Variants in ST6GALNAC5 observed in about 807,000 individuals in gnomAD.
ST6GALNAC5 encodes the protein ST6 N-acetylgalactosaminide alpha-2,6-sialyltransferase 5.
ST6GALNAC5 carries 27 observed loss-of-function variants against 33.6 expected under a neutral mutation model. That is an observed-to-expected ratio of 0.80 (90% CI 0.59 to 1.11). The LOEUF is 1.11. Among genes scored for constraint, ST6GALNAC5 ranks in the 50% least tolerant of loss-of-function variants. ST6GALNAC5 has a pLI of 0.00. For synonymous variants in ST6GALNAC5, 194 were observed against 171.2 expected (o/e 1.13, Z -1.04); for missense variants, 428 against 454.0 (o/e 0.94, Z 0.52).
intron 2 of ST6GALNAC5, among the ~76,000 whole-genome samples, chr1:76,931,277 C>T (rs548638748): frequency 6.6e-6 from 1 of 152,166 alleles, no homozygotes; most frequent in East Asian, 1.9e-4. Context: ...GAGACCACAC[C>T]CTGCCAACAC....
intron 3 of ST6GALNAC5, 70 bp downstream of exon 3, chr1:77,044,683 G>A (rs1025458197): frequency 6.7e-7 from 1 of 1,499,996 alleles, no homozygotes; most frequent in Admixed American, 2.3e-5. Context: ...CTCACCCAAA[G>A]CAAAGCTTTT....
intron 2 of ST6GALNAC5, among the ~76,000 whole-genome samples, chr1:76,916,649 A>G (rs1646977939): frequency 6.6e-6 from 1 of 151,934 alleles, no homozygotes; most frequent in African/African-American, 2.4e-5. Context: ...ACTGTTCCAT[A>G]TTTCTCTTTT....
At chr1:77,005,937 C>A (rs532963920) in intron 2 of ST6GALNAC5, among the ~76,000 whole-genome samples, 18 of 152,314 alleles carry the variant, frequency 1.2e-4, no homozygotes, top group Admixed American at 2.6e-4. Context: ...TTTGTTTATC[C>A]ATTCCTCCAT....
chr1:76,999,601 T>A (rs1024416108), intron 2 of ST6GALNAC5, among the ~76,000 whole-genome samples: 1 of 151,408 alleles, frequency 6.6e-6, no homozygotes, highest in Non-Finnish European at 1.5e-5. Context: ...TAACTCATCA[T>A]CTAGCATTAG....
At chr1:76,984,254 T>C (rs890437321) in intron 2 of ST6GALNAC5, among the ~76,000 whole-genome samples, 5 of 152,102 alleles carry the variant, frequency 3.3e-5, no homozygotes, top group African/African-American at 1.2e-4. Flanking sequence ...ACAAAATTGA[T>C]AGACTGCTAG....
chr1:76,965,313 G>T (rs111568048), intron 2 of ST6GALNAC5, among the ~76,000 whole-genome samples: 1 of 152,194 alleles, frequency 6.6e-6, no homozygotes, highest in Admixed American at 6.5e-5. Flanking sequence ...TCTAACTAGC[G>T]TGAGACAGTA....
At chr1:76,994,961 T>C (rs1649869802) in intron 2 of ST6GALNAC5, among the ~76,000 whole-genome samples, 1 of 152,152 alleles carries the variant, frequency 6.6e-6, no homozygotes, top group African/African-American at 2.4e-5. Flanking sequence ...GTTTCTAAGG[T>C]CAGCTTTAAG....
chr1:77,045,662 G>A (rs76267780), intron 3 of ST6GALNAC5, among the ~76,000 whole-genome samples: 14 of 152,320 alleles, frequency 9.2e-5, no homozygotes, highest in African/African-American at 2.6e-4. Context: ...TAAAGTAAAG[G>A]ACCTGGGGAG....
At chr1:76,970,370 T>C (rs528991042) in intron 2 of ST6GALNAC5, among the ~76,000 whole-genome samples, 2 of 152,044 alleles carry the variant, frequency 1.3e-5, no homozygotes, top group Non-Finnish European at 2.9e-5. Flanking sequence ...AATGACCTGA[T>C]GGAGCTGAAA....
chr1:76,874,841 A>C (rs946714427), intron 2 of ST6GALNAC5, among the ~76,000 whole-genome samples: 10 of 152,156 alleles, frequency 6.6e-5, no homozygotes, highest in African/African-American at 2.4e-4. Flanking sequence ...ACCCCTTGTC[A>C]ACTTGAACCC....
intron 2 of ST6GALNAC5, among the ~76,000 whole-genome samples, chr1:76,877,472 G>A (rs1161511416): frequency 6.6e-6 from 1 of 152,136 alleles, no homozygotes; most frequent in Non-Finnish European, 1.5e-5. Flanking sequence ...ATCTAAATAG[G>A]CCCAGTAGGT....
At chr1:76,982,575 T>C (rs1345785849) in intron 2 of ST6GALNAC5, among the ~76,000 whole-genome samples, 2 of 152,220 alleles carry the variant, frequency 1.3e-5, no homozygotes, top group African/African-American at 2.4e-5. Flanking sequence ...TGAAGCCAAG[T>C]TGGAAAACAC....
At chr1:76,922,529 A>G (rs1647043797) in intron 2 of ST6GALNAC5, among the ~76,000 whole-genome samples, 2 of 152,202 alleles carry the variant, frequency 1.3e-5, no homozygotes, top group African/African-American at 4.8e-5. Flanking sequence ...GCATAGGCCC[A>G]AGAATGCCTG....
chr1:76,994,716 A>G (rs570445246), intron 2 of ST6GALNAC5, among the ~76,000 whole-genome samples: 4 of 152,326 alleles, frequency 2.6e-5, no homozygotes, highest in Admixed American at 2.6e-4. Flanking sequence ...CCACAGCAAT[A>G]ATTTTCTGCA....
chr1:76,984,274 T>C lies in ST6GALNAC5; in HGVS notation c.262-59930T>C, dbSNP rs1276628683. 4.6e-5 allele frequency among the ~76,000 whole-genome samples: 7 copies of C among 151,616 alleles called. No individual in the cohort carries two copies. The East Asian group carries it at 1.2e-3, about 25-fold the overall frequency. ...ATTGATAGACTGCTAGCAAGACTAA[T>C]AAAGAAGAAAAAAGAGAAGAAGACT... On this transcript the variant is annotated intron_variant, in intron 2 of 4. Transcript: ENST00000477717.
chr1:76,998,093 T>G (rs1333205874), intron 2 of ST6GALNAC5, among the ~76,000 whole-genome samples: 1 of 152,202 alleles, frequency 6.6e-6, no homozygotes, highest in Non-Finnish European at 1.5e-5. Context: ...TTCACAGCTA[T>G]GCGGAACTAC....
intron 4 of ST6GALNAC5, among the ~76,000 whole-genome samples, chr1:77,053,447 T>C (rs962587492): frequency 6.6e-6 from 1 of 152,154 alleles, no homozygotes; most frequent in Non-Finnish European, 1.5e-5. Flanking sequence ...AGATACTTCA[T>C]AAATATCAAG....
At chr1:76,981,369 T>C (rs540488164) in intron 2 of ST6GALNAC5, among the ~76,000 whole-genome samples, 14 of 152,318 alleles carry the variant, frequency 9.2e-5, no homozygotes, top group African/African-American at 3.1e-4. Context: ...CCCACACCCA[T>C]AGAGCCTTGC....
intron 2 of ST6GALNAC5, among the ~76,000 whole-genome samples, chr1:77,021,197 A>G (rs531965490): frequency 1.5e-4 from 23 of 152,332 alleles, no homozygotes; most frequent in African/African-American, 5.3e-4. Context: ...TAGTCAAACC[A>G]GTCTCTTTTT....
Sources: allele counts gnomAD v4.1 joint callset (sites outside exome capture counted in the v4.1 genomes callset), GRCh38; gene constraint gnomAD v4.1.1; transcripts MANE v1.5; gene names NCBI Gene and HGNC (gene_info 2026-07-23, HGNC 2026-07-21).